LRRK2: variants seen among roughly 807,000 people sequenced by gnomAD.
LRRK2 encodes the protein leucine-rich repeat serine/threonine-protein kinase 2.
In LRRK2, 203 loss-of-function variants were observed where a neutral mutation model predicts 302.6. The observed-to-expected ratio is 0.67, with a 90% CI of 0.60 to 0.75. LRRK2 has a LOEUF of 0.75. Ranked by LOEUF, LRRK2 falls within the 30% of genes least tolerant of loss-of-function variation. LRRK2 has a pLI of 0.00. For missense variants in LRRK2, 2,830 were observed against 2,951.0 expected (o/e 0.96, Z 0.95); for synonymous variants, 1,066 against 1,031.9 (o/e 1.03, Z -0.63).
rs972524444 is a variant in LRRK2 at position 40,340,342 on chromosome 12, T to C, written c.5997T>C (p.Asn1999=). The part of the protein sequence containing the change: ...MIIYRDLKPH[N]VLLFTLYPNA... ...TATACCGAGACCTGAAACCCCACAA[T>C]GTGCTGCTTTTCACACTGTATCCCA... The change falls in exon 41 of 51, where the codon AAT becomes AAC. Residue 1999 remains asparagine (N), a synonymous_variant. Transcript: ENST00000298910. The C allele has an allele frequency of 6.2e-7, 1 of 1,613,856 alleles. No individual in the cohort carries two copies. The highest frequency in any genetic ancestry group is 8.5e-7 in the Non-Finnish European group (1 of 1,179,828).
intron 18 of LRRK2, among the ~76,000 whole-genome samples, chr12:40,280,090 C>A (rs1052631185): frequency 1.3e-5 from 2 of 152,102 alleles, no homozygotes; most frequent in Non-Finnish European, 2.9e-5. Context: ...TATGCAAATG[C>A]ATGGATAAAA....
chr12:40,350,367 C>T (rs1946314860), intron 43 of LRRK2, among the ~76,000 whole-genome samples: 1 of 152,214 alleles, frequency 6.6e-6, no homozygotes, highest in Admixed American at 6.5e-5. Context: ...GTTTCTGTCT[C>T]TCACTGTGAT....
chr12:40,251,403 T>C, intron 9 of LRRK2, 29 bp downstream of exon 9: 1 of 1,613,688 alleles, frequency 6.2e-7, no homozygotes, highest in South Asian at 1.1e-5. Context: ...TTAGAGTTAT[T>C]CAAAATTATG....
intron 23 of LRRK2, among the ~76,000 whole-genome samples, chr12:40,296,673 TA>T (rs1413477176): frequency 6.6e-6 from 1 of 152,104 alleles, no homozygotes; most frequent in African/African-American, 2.4e-5. Context: ...TCCCCCTTTT[TA>T]AGCCTAAAAA....
chr12:40,288,395 C>G (rs17519881), intron 20 of LRRK2, among the ~76,000 whole-genome samples: 23,307 of 151,658 alleles, frequency 0.15, 2,283 homozygotes, highest in African/African-American at 0.26. Context: ...TTCTTCATGC[C>G]TCTTCACTGA....
intron 33 of LRRK2, among the ~76,000 whole-genome samples, chr12:40,318,867 A>C (rs1329659571): frequency 6.6e-6 from 1 of 152,088 alleles, no homozygotes; most frequent in Non-Finnish European, 1.5e-5. Context: ...CTTAAACAAC[A>C]GTTTTTATTA....
chr12:40,287,628 C>T, intron 20 of LRRK2, 89 bp downstream of exon 20: 1 of 1,327,660 alleles, frequency 7.5e-7, no homozygotes, highest in Non-Finnish European at 1.1e-6. Context: ...TGACCTAAAT[C>T]ATCTGGAAAA....
rs1945394088 is a variant in LRRK2 at position 40,321,323 on chromosome 12, C to G, written c.5170+135C>G. ...CAGAGTTTACTTGTTTGGAAGGCAGCTGAAGAATTAGAAAATAAGCTCATA... is the reference window on the plus strand; with the variant it reads ...CAGAGTTTACTTGTTTGGAAGGCAGGTGAAGAATTAGAAAATAAGCTCATA... On this transcript the variant is annotated intron_variant, in intron 35 of 50. Coordinates refer to ENST00000298910, the MANE Select transcript of LRRK2 (RefSeq NM_198578.4). 4.6e-6 allele frequency: 4 copies of G among 869,494 alleles called. No homozygotes were observed. In the East Asian group the frequency reaches 1.1e-4, roughly 24 times the overall value. The allele number at this position is 869,494 out of a possible 1,614,324, so 53.9% of individuals were successfully genotyped here.
intron 16 of LRRK2, among the ~76,000 whole-genome samples, chr12:40,275,493 C>T (rs558284564): frequency 2.7e-4 from 40 of 149,480 alleles, no homozygotes; most frequent in Non-Finnish European, 4.4e-4. Flanking sequence ...AGTTAGTTCA[C>T]GGGAGATTAA....
At chr12:40,246,891 A>C (rs143930259) in intron 7 of LRRK2, among the ~76,000 whole-genome samples, 1 of 152,082 alleles carries the variant, frequency 6.6e-6, no homozygotes, top group African/African-American at 2.4e-5. Context: ...CTGCCCCTCA[A>C]CACACACCTT....
At chr12:40,274,366 T>C (rs1386192059) in intron 14 of LRRK2, among the ~76,000 whole-genome samples, 1 of 152,216 alleles carries the variant, frequency 6.6e-6, no homozygotes, top group African/African-American at 2.4e-5. Flanking sequence ...AAGTATTTAT[T>C]ACAATGCCTG....
chr12:40,326,358 C>G (rs1000696170), intron 38 of LRRK2, among the ~76,000 whole-genome samples: 2 of 150,538 alleles, frequency 1.3e-5, no homozygotes, highest in African/African-American at 2.4e-5. Flanking sequence ...CCCAGCTACT[C>G]GGGAGGCTGA....
chr12:40,359,832 T>C lies in LRRK2; in HGVS notation c.7028+388T>C, dbSNP rs11564265. On this transcript the variant is annotated intron_variant, in intron 47 of 50. Coordinates refer to ENST00000298910, the MANE Select transcript of LRRK2 (RefSeq NM_198578.4). The stretch of plus-strand genomic sequence containing the variant: ...CAATTTGGGTAACTTCCATTAAGTA[T>C]TGATTGTAGGAAAGATAGACAGCAA... Among the ~76,000 whole-genome samples, 92 of 152,272 alleles carry C rather than the reference T, an allele frequency of 6.0e-4. No individual in the cohort carries two copies. The South Asian group carries it at 0.018, about 30-fold the overall frequency.
intron 33 of LRRK2, among the ~76,000 whole-genome samples, chr12:40,319,394 A>C (rs1354178262): frequency 6.6e-6 from 1 of 152,012 alleles, no homozygotes; most frequent in Non-Finnish European, 1.5e-5. Flanking sequence ...TCAAAGCTCA[A>C]AGTGTGATCT....
chr12:40,237,878 GTCT>G, intron 4 of LRRK2, 88 bp from the exon 5 acceptor site: 1 of 1,374,294 alleles, frequency 7.3e-7, no homozygotes, highest in Admixed American at 1.7e-5. Flanking sequence ...ACCATTCACA[GTCT>G]TCATGTAAAA....
At chr12:40,343,294 G>A (rs544489024) in intron 41 of LRRK2, among the ~76,000 whole-genome samples, 2 of 152,282 alleles carry the variant, frequency 1.3e-5, no homozygotes, top group Admixed American at 1.3e-4. Flanking sequence ...TATCCTGCTG[G>A]GAGTGACAGT....
In LRRK2 at chr12:40,315,415, A is replaced by T; in HGVS notation, c.4827+115A>T. On this transcript the variant is annotated intron_variant, in intron 33 of 50. Transcript: ENST00000298910. ...TTTAGTTAAGGCAGAAACTTTTGTG[A>T]ATTTGGAAAACTGTGGAACATTTCA... is the stretch of plus-strand genomic sequence containing the variant. 3.6e-6 allele frequency: 3 copies of T among 840,460 alleles called. No homozygotes were observed. The South Asian group carries it at 4.1e-5, about 11-fold the overall frequency. 52.1% of individuals were successfully genotyped at this position (840,460 alleles called of 1,614,324 possible).
rs574758453 is a variant in LRRK2, at chr12:40,227,967, A to C, written c.237+2327A>C. On this transcript the variant is annotated intron_variant, in intron 2 of 50. Coordinates refer to ENST00000298910, the MANE Select transcript of LRRK2 (RefSeq NM_198578.4). ...GTAATCCTCCTGCCTCGGCCTCCAT[A>C]TTTTCTTTGTTAATCTGTTGATAGA... The C allele has an allele frequency of 3.3e-5, 5 of 151,860 alleles. No homozygotes were observed. The South Asian group carries it at 1.0e-3, about 32-fold the overall frequency. 9.4% of individuals were successfully genotyped at this position (151,860 alleles called of 1,614,324 possible).
At chr12:40,341,618 A>G (rs1946048209) in intron 41 of LRRK2, among the ~76,000 whole-genome samples, 1 of 152,134 alleles carries the variant, frequency 6.6e-6, no homozygotes, top group African/African-American at 2.4e-5. Flanking sequence ...TATATTAGAG[A>G]CAAGATCTCT....
Sources: allele counts gnomAD v4.1 joint callset (sites outside exome capture counted in the v4.1 genomes callset), GRCh38; gene constraint gnomAD v4.1.1; transcripts MANE v1.5; gene names NCBI Gene and HGNC (gene_info 2026-07-23, HGNC 2026-07-21).